TOX: variants seen among roughly 807,000 people sequenced by gnomAD.
TOX encodes thymocyte selection-associated high mobility group box protein TOX.
In TOX, 11 loss-of-function variants were observed where a neutral mutation model predicts 53.7. The observed-to-expected ratio is 0.20, with a 90% confidence interval of 0.13 to 0.34. The LOEUF is 0.34. Among genes scored for constraint, TOX ranks in the 10% least tolerant of loss-of-function variants. The pLI, the probability that TOX is intolerant of heterozygous loss-of-function variation, is 1.00. For missense variants in TOX, 570 were observed against 664.6 expected (o/e 0.86, Z 1.56); for synonymous variants, 225 against 245.3 (o/e 0.92, Z 0.77).
chr8:58,814,779 T>C (rs906714494), intron 7 of TOX, among the ~76,000 whole-genome samples: 1 of 152,224 alleles, frequency 6.6e-6, no homozygotes, highest in Non-Finnish European at 1.5e-5. Context: ...TGTTTTTCAA[T>C]TTATGCAGAA....
chr8:58,833,756 T>C (rs1585850464), intron 5 of TOX, among the ~76,000 whole-genome samples: 1 of 152,326 alleles, frequency 6.6e-6, no homozygotes, highest in Non-Finnish European at 1.5e-5. Context: ...AAACCCCCGG[T>C]TGGAATCCCA....
chr8:58,973,759 C>T (rs924731628), intron 1 of TOX, among the ~76,000 whole-genome samples: 6 of 151,720 alleles, frequency 4.0e-5, no homozygotes, highest in African/African-American at 1.2e-4. Context: ...CTAATTATCA[C>T]GAGGGATACA....
intron 3 of TOX, among the ~76,000 whole-genome samples, chr8:58,871,317 T>C (rs1019259747): frequency 1.3e-5 from 2 of 152,160 alleles, no homozygotes; most frequent in Non-Finnish European, 2.9e-5. Context: ...TTCCGTATGA[T>C]ACTGTAATAG....
chr8:58,896,058 T>C (rs4738729), intron 3 of TOX, among the ~76,000 whole-genome samples: 82,949 of 151,944 alleles, frequency 0.55, 23,197 homozygotes, highest in African/African-American at 0.65. Context: ...CTTTTTATTC[T>C]TTTTTTCAGT....
chr8:58,889,116 T>A (rs1230768888), intron 3 of TOX, among the ~76,000 whole-genome samples: 2 of 150,348 alleles, frequency 1.3e-5, no homozygotes, highest in Middle Eastern at 3.5e-3. Context: ...AAATTACAAA[T>A]GCATATACAT....
intron 1 of TOX, among the ~76,000 whole-genome samples, chr8:59,074,838 C>T (rs1455763990): frequency 6.6e-6 from 1 of 152,102 alleles, no homozygotes; most frequent in Non-Finnish European, 1.5e-5. Context: ...GACTCCAGGC[C>T]TTTGGAAAGA....
intron 1 of TOX, among the ~76,000 whole-genome samples, chr8:59,097,869 C>T (rs1399692503): frequency 6.6e-6 from 1 of 152,104 alleles, no homozygotes; most frequent in Non-Finnish European, 1.5e-5. Context: ...AAGTGGTTGT[C>T]AACTAGTGTG....
At chr8:58,825,051 T>C (rs2129165688) in intron 6 of TOX, among the ~76,000 whole-genome samples, 1 of 152,362 alleles carries the variant, frequency 6.6e-6, no homozygotes, top group East Asian at 1.9e-4. Context: ...TGGTTATTAT[T>C]TGCCTTGTCC....
intron 3 of TOX, among the ~76,000 whole-genome samples, chr8:58,854,903 G>A (rs1205374833): frequency 6.6e-6 from 1 of 152,078 alleles, no homozygotes; most frequent in Non-Finnish European, 1.5e-5. Context: ...ACTCGATAAA[G>A]TTTGATTACT....
At chr8:58,860,039 T>G (rs1332177380) in intron 3 of TOX, among the ~76,000 whole-genome samples, 1 of 152,178 alleles carries the variant, frequency 6.6e-6, no homozygotes. Flanking sequence ...GTGTCTTAGT[T>G]GCTCTAGTGT....
At chr8:59,015,140 C>T (rs915762469) in intron 1 of TOX, among the ~76,000 whole-genome samples, 2 of 152,084 alleles carry the variant, frequency 1.3e-5, no homozygotes, top group African/African-American at 4.8e-5. Flanking sequence ...ATGGCAGAGC[C>T]CTGGACGGGA....
intron 2 of TOX, among the ~76,000 whole-genome samples, 194 bp from the exon 3 acceptor site, chr8:58,939,738 T>A (rs570291305): frequency 6.6e-6 from 1 of 152,346 alleles, no homozygotes; most frequent in South Asian, 2.1e-4. Context: ...GCAGATCCAC[T>A]TCTCGTATAA....
At chr8:59,061,327 CT>C (rs1429431683) in intron 1 of TOX, among the ~76,000 whole-genome samples, 2 of 152,038 alleles carry the variant, frequency 1.3e-5, no homozygotes, top group Non-Finnish European at 2.9e-5. Context: ...GCAATTGGTA[CT>C]GATTGTTGAG....
At position 58,928,503 on chromosome 8, in the gene TOX, C is replaced by T. The variant is rs181207023; in HGVS notation, c.411+10799G>A. 2.6e-3 allele frequency among the ~76,000 whole-genome samples: 382 copies of T among 149,380 alleles called. 1 individual carries two copies. Among genetic ancestry groups the T allele is most frequent in the Non-Finnish European group, 3.8e-3 (253 of 66,604 alleles). ...CACAAACCTAATCAACACATGAATG[C>T]GTAGAGAGACAGAAAGAAAGATACA... On this transcript the variant is annotated intron_variant, in intron 3 of 8. Coordinates refer to ENST00000361421, the MANE Select transcript of TOX (RefSeq NM_014729.3).
chr8:58,920,697 T>A (rs1199754441), intron 3 of TOX, among the ~76,000 whole-genome samples: 1 of 79,410 alleles, frequency 1.3e-5, no homozygotes, highest in Non-Finnish European at 2.6e-5. Flanking sequence ...CCCTAAAACT[T>A]AAAGTATAAT....
intron 6 of TOX, among the ~76,000 whole-genome samples, 163 bp downstream of exon 6, chr8:58,826,659 C>A (rs980756234): frequency 3.9e-5 from 6 of 152,182 alleles, no homozygotes; most frequent in African/African-American, 1.4e-4. Context: ...TGGAGCTGAA[C>A]GAATATTTCC....
intron 1 of TOX, among the ~76,000 whole-genome samples, chr8:59,065,026 A>G (rs1804062197): frequency 6.6e-6 from 1 of 152,192 alleles, no homozygotes; most frequent in African/African-American, 2.4e-5. Context: ...ATGAAAAAGG[A>G]ACTGCTTTGG....
chr8:58,820,829 C>T (rs960561), intron 6 of TOX, among the ~76,000 whole-genome samples: 22,909 of 152,132 alleles, frequency 0.15, 2,053 homozygotes, highest in Non-Finnish European at 0.2. Context: ...ACTTTGAATG[C>T]AACACTCATT....
intron 1 of TOX, among the ~76,000 whole-genome samples, chr8:59,075,225 T>A (rs536289141): frequency 1.3e-5 from 2 of 152,258 alleles, no homozygotes; most frequent in Admixed American, 6.5e-5. Context: ...CCTGAAAACA[T>A]CTGTGATGGG....
Sources: gnomAD v4.1 joint callset for allele counts (sites outside exome capture counted in the v4.1 genomes callset) on GRCh38, gnomAD v4.1.1 for gene constraint, MANE v1.5 for transcripts, NCBI Gene and HGNC (gene_info 2026-07-23, HGNC 2026-07-21) for gene names.